Variants in OPCML observed in about 807,000 individuals in gnomAD.
OPCML encodes opioid binding protein/cell adhesion molecule like, also known as opioid-binding protein/cell adhesion molecule.
Under a neutral mutation model 37.8 loss-of-function variants are expected in OPCML, and 13 were observed. The observed-to-expected ratio is 0.34, with a 90% CI of 0.22 to 0.55. OPCML has a LOEUF of 0.55. Ranked by LOEUF, OPCML falls within the 20% of genes least tolerant of loss-of-function variation. The pLI is 0.91. For missense variants in OPCML, 341 were observed against 435.6 expected (o/e 0.78, Z 1.93); for synonymous variants, 176 against 168.8 (o/e 1.04, Z -0.33).
intron 2 of OPCML, among the ~76,000 whole-genome samples, chr11:132,665,129 T>C (rs1942162450): frequency 6.6e-6 from 1 of 151,254 alleles, no homozygotes; most frequent in Non-Finnish European, 1.5e-5. Flanking sequence ...GGAGGGGAGG[T>C]TATGCAGAGA....
intron 3 of OPCML, among the ~76,000 whole-genome samples, chr11:132,599,608 T>C (rs1937712817): frequency 1.3e-5 from 2 of 152,212 alleles, no homozygotes; most frequent in Admixed American, 1.3e-4. Flanking sequence ...GCTCCACTTG[T>C]TATCTTACCA....
chr11:133,259,174 C>T (rs945140196), intron 1 of OPCML, among the ~76,000 whole-genome samples: 1 of 152,080 alleles, frequency 6.6e-6, no homozygotes, highest in African/African-American at 2.4e-5. Context: ...GACTTGTTCA[C>T]GGTTCCAGAG....
At chr11:132,503,933 G>A (rs563970695) in intron 4 of OPCML, among the ~76,000 whole-genome samples, 2 of 152,162 alleles carry the variant, frequency 1.3e-5, no homozygotes, top group African/African-American at 2.4e-5. Flanking sequence ...ATCTCTTAGA[G>A]TAACCTAGCA....
At chr11:132,538,010 CA>C (rs972099418) in intron 3 of OPCML, among the ~76,000 whole-genome samples, 1 of 152,158 alleles carries the variant, frequency 6.6e-6, no homozygotes, top group Non-Finnish European at 1.5e-5. Flanking sequence ...GTAAGTTCTT[CA>C]AAAGGCTAAA....
At chr11:132,945,925 G>A (rs1257438554) in intron 1 of OPCML, among the ~76,000 whole-genome samples, 2 of 152,146 alleles carry the variant, frequency 1.3e-5, no homozygotes, top group Non-Finnish European at 2.9e-5. Context: ...TGGGACTACA[G>A]GCGCCCACCA....
At chr11:132,730,670 G>A (rs1042559883) in intron 2 of OPCML, among the ~76,000 whole-genome samples, 13 of 152,086 alleles carry the variant, frequency 8.5e-5, no homozygotes, top group Admixed American at 3.3e-4. Context: ...AAAAGAAGAC[G>A]TAATCTCTGC....
At position 132,513,219 on chromosome 11, in the gene OPCML, A is replaced by C. The variant is rs554594734; in HGVS notation, c.505+15842T>G. Among the ~76,000 whole-genome samples the C allele has an allele frequency of 1.8e-3, 274 of 152,268 alleles. 1 individual carries two copies. Among genetic ancestry groups the C allele is most frequent in the Middle Eastern group, 3.4e-3 (1 of 294 alleles). ...GAGAAAATTATTATGGAAAGAGGAA[A>C]GCAGATAAGGGAAGAAAGTAGAGAT... On this transcript the variant is annotated intron_variant, in intron 4 of 7. Coordinates refer to ENST00000524381, the MANE Select transcript of OPCML (RefSeq NM_001012393.5).
chr11:133,305,184 C>T (rs1942881740), intron 1 of OPCML, among the ~76,000 whole-genome samples: 2 of 152,154 alleles, frequency 1.3e-5, no homozygotes, highest in Admixed American at 6.5e-5. Context: ...GTGAGTATTA[C>T]ATAAGATAGC....
chr11:133,108,447 A>G (rs570321950), intron 1 of OPCML, among the ~76,000 whole-genome samples: 21 of 152,278 alleles, frequency 1.4e-4, no homozygotes, highest in African/African-American at 5.1e-4. Flanking sequence ...GCAATCAACA[A>G]TCCATCATAC....
At chr11:132,834,090 C>A (rs750829766) in intron 2 of OPCML, among the ~76,000 whole-genome samples, 16 of 152,150 alleles carry the variant, frequency 1.1e-4, no homozygotes, top group Non-Finnish European at 1.6e-4. Context: ...TAAATTTTGG[C>A]TCATAGCTCC....
intron 2 of OPCML, among the ~76,000 whole-genome samples, chr11:132,847,351 T>G (rs1941593496): frequency 6.6e-6 from 1 of 152,004 alleles, no homozygotes; most frequent in Non-Finnish European, 1.5e-5. Context: ...TATACCTTCC[T>G]GTCAAAACGT....
At chr11:133,472,007 C>T (rs1947127262) in intron 1 of OPCML, among the ~76,000 whole-genome samples, 1 of 152,180 alleles carries the variant, frequency 6.6e-6, no homozygotes, top group African/African-American at 2.4e-5. Context: ...TTCTATTGCA[C>T]TTTGTGCTTT....
At chr11:132,536,722 C>T (rs2096341851) in intron 3 of OPCML, among the ~76,000 whole-genome samples, 1 of 152,118 alleles carries the variant, frequency 6.6e-6, no homozygotes, top group South Asian at 2.1e-4. Context: ...ATGTTTATTT[C>T]TTAAACCAGA....
At chr11:133,046,466 G>A (rs1353775251) in intron 1 of OPCML, among the ~76,000 whole-genome samples, 1 of 152,146 alleles carries the variant, frequency 6.6e-6, no homozygotes, top group East Asian at 1.9e-4. Flanking sequence ...GCAGGAATGA[G>A]CCACGGCCTC....
At chr11:132,631,553 G>A (rs1474419221) in intron 3 of OPCML, among the ~76,000 whole-genome samples, 1 of 150,830 alleles carries the variant, frequency 6.6e-6, no homozygotes, top group Admixed American at 6.6e-5. Flanking sequence ...TCCGCCTCCC[G>A]GGTTCACGCC....
chr11:133,425,578 A>C (rs2155779), intron 1 of OPCML, among the ~76,000 whole-genome samples: 18,407 of 152,124 alleles, frequency 0.12, 1,588 homozygotes, highest in African/African-American at 0.23. Context: ...AATAGCTCCA[A>C]CAACTTCTAT....
At chr11:132,481,280 T>C (rs937447092) in intron 4 of OPCML, among the ~76,000 whole-genome samples, 35 of 152,130 alleles carry the variant, frequency 2.3e-4, no homozygotes, top group African/African-American at 7.5e-4. Context: ...TAGTCTCTGA[T>C]AAAACAGACT....
chr11:132,836,227 C>T (rs1940992682), intron 2 of OPCML, among the ~76,000 whole-genome samples: 1 of 152,186 alleles, frequency 6.6e-6, no homozygotes, highest in Admixed American at 6.5e-5. Context: ...ATTATGTTGG[C>T]TTTTCCCAAA....
intron 4 of OPCML, among the ~76,000 whole-genome samples, chr11:132,491,112 G>T (rs1443727253): frequency 6.6e-6 from 1 of 152,146 alleles, no homozygotes; most frequent in African/African-American, 2.4e-5. Context: ...CTCCCATGAT[G>T]TTGAGGCCCG....
Sources: allele counts gnomAD v4.1 joint callset (sites outside exome capture counted in the v4.1 genomes callset), GRCh38; gene constraint gnomAD v4.1.1; transcripts MANE v1.5; gene names NCBI Gene and HGNC (gene_info 2026-07-23, HGNC 2026-07-21).